GPC3: variants seen among roughly 807,000 people sequenced by gnomAD.
The protein encoded by GPC3 is glypican 3.
Under a neutral mutation model 34.4 loss-of-function variants are expected in GPC3, and 3 were observed. The observed-to-expected ratio is 0.09, with a 90% confidence interval of 0.04 to 0.23. GPC3 has a LOEUF of 0.23. GPC3 is among the 10% of genes least tolerant of loss of function. The pLI is 1.00. For synonymous variants in GPC3, 177 were observed against 174.0 expected (o/e 1.02, Z -0.13); for missense variants, 351 against 445.6 (o/e 0.79, Z 1.91).
intron 2 of GPC3, among the ~76,000 whole-genome samples, chrX:133,867,197 CA>C (rs1310046646): frequency 6.3e-4 from 60 of 95,904 alleles, no homozygotes; most frequent in East Asian, 3.6e-3. Flanking sequence ...GACTCTGTCT[CA>C]AAAAAAAAAA....
At chrX:133,813,812 G>A (rs1256343411) in intron 2 of GPC3, among the ~76,000 whole-genome samples, 1 of 111,885 alleles carries the variant, frequency 8.9e-6, no homozygotes, top group East Asian at 2.8e-4. Context: ...AATATCCTGA[G>A]AAAGCAAATT....
chrX:133,950,203 G>A (rs189461117), intron 2 of GPC3, among the ~76,000 whole-genome samples: 6 of 111,914 alleles, frequency 5.4e-5, no homozygotes, highest in African/African-American at 9.7e-5. Context: ...TTTAGGAAAC[G>A]AGGCAATGCA....
intron 7 of GPC3, among the ~76,000 whole-genome samples, chrX:133,547,342 G>GA (rs1053558267): frequency 2.7e-5 from 3 of 110,004 alleles, no homozygotes; most frequent in Non-Finnish European, 5.7e-5. Flanking sequence ...ATAATTTAAA[G>GA]AAAAAAAAAC....
intron 3 of GPC3, among the ~76,000 whole-genome samples, chrX:133,739,526 A>G (rs967837985): frequency 2.7e-5 from 3 of 111,428 alleles, no homozygotes; most frequent in South Asian, 3.8e-4. Context: ...TGTTCAGGTC[A>G]CTAAGAAAAA....
intron 2 of GPC3, among the ~76,000 whole-genome samples, chrX:133,931,014 G>A (rs2076296146): frequency 8.9e-6 from 1 of 111,877 alleles, no homozygotes; most frequent in Non-Finnish European, 1.9e-5. Flanking sequence ...GCAACAGATA[G>A]TATCGAGCAG....
chrX:133,883,704 A>C (rs1031878647), intron 2 of GPC3, among the ~76,000 whole-genome samples: 6 of 111,831 alleles, frequency 5.4e-5, no homozygotes, highest in African/African-American at 9.7e-5. Context: ...AGTCTACTTT[A>C]AAGTACTCAT....
intron 6 of GPC3, among the ~76,000 whole-genome samples, chrX:133,649,504 T>A (rs181549061): frequency 5.5e-4 from 61 of 111,243 alleles, no homozygotes; most frequent in African/African-American, 2.0e-3. Context: ...TTGCAATTAC[T>A]GATCAATCAA....
At position 133,611,187 on chromosome X, in the gene GPC3, G is replaced by T. The variant is rs771101991; in HGVS notation, c.1414-14588C>A. ...CAAACCTTGCCAAATAACAGGCTAG[G>T]GGGAGAGCAACACAGCCCCTGGGTG... On this transcript the variant is annotated intron_variant, in intron 6 of 7. Transcript: ENST00000370818. Among the ~76,000 whole-genome samples, 308 of 107,735 alleles carry T rather than the reference G, an allele frequency of 2.9e-3. 1 individual carries two copies. Among genetic ancestry groups the T allele is most frequent in the African/African-American group, 9.9e-3 (290 of 29,369 alleles). The allele number at this position is 107,735 out of a possible 115,157, so 93.6% of individuals were successfully genotyped here.
intron 5 of GPC3, among the ~76,000 whole-genome samples, chrX:133,684,741 A>C (rs918743194): frequency 5.4e-5 from 6 of 111,480 alleles, no homozygotes; most frequent in African/African-American, 2.0e-4. Flanking sequence ...ACAACAACAA[A>C]TAATAACTTA....
chrX:133,549,429 G>A (rs1027342698), intron 7 of GPC3, among the ~76,000 whole-genome samples: 3 of 111,141 alleles, frequency 2.7e-5, no homozygotes, highest in Non-Finnish European at 1.9e-5. Flanking sequence ...CCTAATTCCT[G>A]AGCATGGCAT....
At chrX:133,777,631 G>C (rs778712044) in intron 2 of GPC3, among the ~76,000 whole-genome samples, 1 of 111,900 alleles carries the variant, frequency 8.9e-6, no homozygotes, top group African/African-American at 3.2e-5. Context: ...AATCTGAAAG[G>C]CCTTAGAAGT....
intron 1 of GPC3, among the ~76,000 whole-genome samples, chrX:133,972,701 G>C (rs2076498484): frequency 8.9e-6 from 1 of 112,310 alleles, no homozygotes; most frequent in African/African-American, 3.2e-5. Context: ...AGGTAGACTT[G>C]CAAGATTTAG....
At chrX:133,692,602 G>A in intron 4 of GPC3, 108 bp from the exon 5 acceptor site, 1 of 669,879 alleles carries the variant, frequency 1.5e-6, no homozygotes, top group Non-Finnish European at 2.4e-6. Context: ...GCTGATTAGA[G>A]CAATAAATGA....
intron 7 of GPC3, among the ~76,000 whole-genome samples, chrX:133,538,995 AC>A (rs775669629): frequency 9.5e-6 from 1 of 105,142 alleles, no homozygotes; most frequent in East Asian, 3.1e-4. Context: ...TTCTGGAATT[AC>A]AAGTGTGAGC....
At chrX:133,922,335 G>A (rs1312717388) in intron 2 of GPC3, among the ~76,000 whole-genome samples, 4 of 112,063 alleles carry the variant, frequency 3.6e-5, no homozygotes, top group Non-Finnish European at 7.5e-5. Flanking sequence ...CTTACAAAGT[G>A]TGTTTGTACT....
At chrX:133,882,578 T>A (rs1473493423) in intron 2 of GPC3, among the ~76,000 whole-genome samples, 4 of 110,457 alleles carry the variant, frequency 3.6e-5, no homozygotes, top group African/African-American at 1.3e-4. Context: ...TTGAGTTGAA[T>A]TAACAAGGAA....
At chrX:133,716,191 G>A (rs1446057142) in intron 3 of GPC3, among the ~76,000 whole-genome samples, 2 of 111,743 alleles carry the variant, frequency 1.8e-5, no homozygotes, top group African/African-American at 6.5e-5. Flanking sequence ...GAGGATAGGG[G>A]AGAATCTGAT....
rs935279684 is a variant in GPC3, at chrX:133,769,043, TACTC to T, written c.338-14871_338-14868del. ...CTCACATGTACACACAATGGAATAT[TACTC>T]AGCCTTTTAAAAGAAGAACATCCTG... On this transcript the variant is annotated intron_variant, in intron 2 of 7. Transcript: ENST00000370818. Among the ~76,000 whole-genome samples the T allele has an allele frequency of 7.1e-5, 8 of 112,347 alleles. No individual in the cohort carries two copies. In the East Asian group the frequency reaches 8.3e-4, roughly 12 times the overall value.
chrX:133,761,587 T>C (rs981253490), intron 2 of GPC3, among the ~76,000 whole-genome samples: 1 of 111,888 alleles, frequency 8.9e-6, no homozygotes, highest in African/African-American at 3.2e-5. Flanking sequence ...TATCATTTGA[T>C]AGATAGATGG....
Sources: allele counts gnomAD v4.1 joint callset (sites outside exome capture counted in the v4.1 genomes callset), GRCh38; gene constraint gnomAD v4.1.1; transcripts MANE v1.5; gene names NCBI Gene and HGNC (gene_info 2026-07-23, HGNC 2026-07-21).